ADCY5: variants seen among roughly 807,000 people sequenced by gnomAD.
The protein encoded by ADCY5 is adenylate cyclase type 5.
In ADCY5, 30 loss-of-function variants were observed where a neutral mutation model predicts 119.7. That is an observed-to-expected ratio of 0.25 (90% CI 0.19 to 0.34). The LOEUF is 0.34. ADCY5 is among the 10% of genes least tolerant of loss of function. ADCY5 has a pLI of 1.00. For synonymous variants in ADCY5, 753 were observed against 762.2 expected (o/e 0.99, Z 0.20); for missense variants, 1,324 against 1,775.2 (o/e 0.75, Z 4.57).
At chr3:123,289,509 T>C (rs1291570170) in intron 19 of ADCY5, among the ~76,000 whole-genome samples, 2 of 152,242 alleles carry the variant, frequency 1.3e-5, no homozygotes, top group East Asian at 1.9e-4. Flanking sequence ...GTCCTACCCA[T>C]GTGGCCCTCA....
intron 1 of ADCY5, among the ~76,000 whole-genome samples, chr3:123,443,779 G>A (rs1945763772): frequency 6.6e-6 from 1 of 152,200 alleles, no homozygotes; most frequent in South Asian, 2.1e-4. Flanking sequence ...GGGGACCCAT[G>A]CGGGGTCAGA....
chr3:123,437,041 G>A (rs1262553373), intron 1 of ADCY5, among the ~76,000 whole-genome samples: 12 of 152,054 alleles, frequency 7.9e-5, no homozygotes, highest in Middle Eastern at 3.2e-3. Context: ...AGGTGACCCC[G>A]GGAAACATTA....
chr3:123,331,241 G>A (rs368294612), intron 4 of ADCY5, among the ~76,000 whole-genome samples: 36 of 152,202 alleles, frequency 2.4e-4, no homozygotes, highest in Middle Eastern at 3.2e-3. Flanking sequence ...GCAGCCCTGA[G>A]CGGCATTCCA....
chr3:123,369,056 C>G (rs1943548223), intron 1 of ADCY5, among the ~76,000 whole-genome samples: 1 of 152,114 alleles, frequency 6.6e-6, no homozygotes, highest in Non-Finnish European at 1.5e-5. Context: ...GTGTTGGGAA[C>G]TTAATCCTCA....
At chr3:123,425,652 C>T (rs1032968632) in intron 1 of ADCY5, among the ~76,000 whole-genome samples, 1 of 152,212 alleles carries the variant, frequency 6.6e-6, no homozygotes, top group East Asian at 1.9e-4. Flanking sequence ...CTGACCTCGC[C>T]ACAGCCTCCC....
intron 6 of ADCY5, among the ~76,000 whole-genome samples, chr3:123,328,051 C>T (rs1285122396): frequency 6.6e-6 from 1 of 152,210 alleles, no homozygotes; most frequent in African/African-American, 2.4e-5. Flanking sequence ...GCAAGCCTCT[C>T]ACTCCTGCTC....
At chr3:123,424,751 GGTGT>G (rs140536754) in intron 1 of ADCY5, among the ~76,000 whole-genome samples, 124 of 151,888 alleles carry the variant, frequency 8.2e-4, no homozygotes, top group African/African-American at 2.8e-3. Context: ...AGGTTTGAAG[GGTGT>G]GTGTGTGTGT....
Position 123,327,657 on chromosome 3 carries a change from A to T in ADCY5, c.1908T>A (p.Ser636Arg). The T allele has an allele frequency of 6.2e-7, 1 of 1,614,070 alleles. No individual in the cohort carries two copies. Among genetic ancestry groups the T allele is most frequent in the Non-Finnish European group, 8.5e-7 (1 of 1,179,998 alleles). Residue 636 changes from serine to arginine, a missense_variant, in exon 7 of 21, where the codon AGT (serine) becomes AGA (arginine). By Grantham distance (110) the Ser-to-Arg change is moderately radical. Transcript: ENST00000462833. ...GERNAYLKEH[S>R]IETFLILRCT... Reference sequence around the variant, plus strand: ...AGCGCAGGATGAGGAAGGTCTCGATACTGTGCTCCTTGAGGTAGGCGTTGC... The same window carrying T: ...AGCGCAGGATGAGGAAGGTCTCGATTCTGTGCTCCTTGAGGTAGGCGTTGC...
intron 1 of ADCY5, among the ~76,000 whole-genome samples, chr3:123,364,454 G>A (rs897260638): frequency 5.3e-5 from 8 of 152,138 alleles, no homozygotes; most frequent in African/African-American, 1.7e-4. Flanking sequence ...CCTGGCCAGC[G>A]GGAATCCCAG....
At chr3:123,432,724 G>A (rs1945545870) in intron 1 of ADCY5, among the ~76,000 whole-genome samples, 1 of 151,970 alleles carries the variant, frequency 6.6e-6, no homozygotes, top group Non-Finnish European at 1.5e-5. Flanking sequence ...ACAGGGACTT[G>A]CTATGTAGCC....
chr3:123,330,829 G>A, intron 5 of ADCY5, 60 bp downstream of exon 5: 1 of 1,511,380 alleles, frequency 6.6e-7, no homozygotes, highest in Non-Finnish European at 8.9e-7. Flanking sequence ...AGGTCAGTCA[G>A]TCGCTCGGGC....
chr3:123,444,963 C>G (rs1247036508), intron 1 of ADCY5, among the ~76,000 whole-genome samples: 1 of 152,176 alleles, frequency 6.6e-6, no homozygotes, highest in Non-Finnish European at 1.5e-5. Context: ...GGACTTCCCC[C>G]ACCAGCCAGC....
intron 12 of ADCY5, among the ~76,000 whole-genome samples, chr3:123,311,708 T>C (rs986113134): frequency 1.3e-5 from 2 of 152,136 alleles, no homozygotes; most frequent in African/African-American, 2.4e-5. Context: ...GTTCCAGGTT[T>C]CATAAGCCAC....
chr3:123,313,291 GGAGA>G (rs1437347357), intron 12 of ADCY5, among the ~76,000 whole-genome samples: 1 of 152,210 alleles, frequency 6.6e-6, no homozygotes, highest in East Asian at 1.9e-4. Flanking sequence ...TCTGGAGGGT[GGAGA>G]GAGAAAGGGG....
At chr3:123,307,469 T>C (rs1166486020) in intron 12 of ADCY5, among the ~76,000 whole-genome samples, 1 of 152,230 alleles carries the variant, frequency 6.6e-6, no homozygotes, top group Non-Finnish European at 1.5e-5. Context: ...ATCTGCATTT[T>C]AAAGAGCTAT....
intron 2 of ADCY5, among the ~76,000 whole-genome samples, chr3:123,348,831 C>T (rs983370599): frequency 6.6e-6 from 1 of 152,166 alleles, no homozygotes. Flanking sequence ...TCGCTCATCC[C>T]CAGCCTTTCA....
intron 1 of ADCY5, among the ~76,000 whole-genome samples, chr3:123,402,967 A>G (rs545668744): frequency 7.8e-4 from 119 of 152,314 alleles, no homozygotes; most frequent in African/African-American, 2.8e-3. Flanking sequence ...TTTAAAAAGA[A>G]AAAAAGGAAA....
At chr3:123,320,864 A>G in intron 8 of ADCY5, 93 bp from the exon 9 acceptor site, 1 of 902,344 alleles carries the variant, frequency 1.1e-6, no homozygotes, top group Admixed American at 2.0e-5. Context: ...GCTCATCTCT[A>G]CAGTCTCCCA....
intron 11 of ADCY5, among the ~76,000 whole-genome samples, chr3:123,314,641 C>A (rs1252999477): frequency 6.6e-6 from 1 of 152,238 alleles, no homozygotes; most frequent in African/African-American, 2.4e-5. Context: ...CAGGTGACAC[C>A]TGATAGGTAT....
Sources: allele counts gnomAD v4.1 joint callset (sites outside exome capture counted in the v4.1 genomes callset), GRCh38; gene constraint gnomAD v4.1.1; transcripts MANE v1.5; gene names NCBI Gene and HGNC (gene_info 2026-07-23, HGNC 2026-07-21).